Variants in MAP3K2 observed in about 807,000 individuals in gnomAD.
MAP3K2 encodes MAP/ERK kinase kinase 2.
In MAP3K2, 24 loss-of-function variants were observed where a neutral mutation model predicts 80.3. The observed-to-expected ratio is 0.30, with a 90% confidence interval of 0.22 to 0.42. The LOEUF (loss-of-function observed/expected upper bound fraction) is 0.42, where lower values mean the gene tolerates loss of function less well. Among genes scored for constraint, MAP3K2 ranks in the 10% least tolerant of loss-of-function variants. MAP3K2 has a pLI of 1.00. For missense variants in MAP3K2, 608 were observed against 750.1 expected (o/e 0.81, Z 2.21); for synonymous variants, 244 against 253.7 (o/e 0.96, Z 0.36).
At position 127,304,239 on chromosome 2, in the gene MAP3K2, G is replaced by A. The variant is rs1322110093; in HGVS notation, c.*3340C>T. 4.6e-5 allele frequency: 7 copies of A among 152,054 alleles called. No homozygotes were observed. The highest frequency in any genetic ancestry group is 7.4e-5 in the Non-Finnish European group (5 of 67,992). 9.4% of individuals were successfully genotyped at this position (152,054 alleles called of 1,614,324 possible). ...TGTTTTGTAAACAAGGAAAAGTGCT[G>A]AAAATTTTCAAGATATTCATACTGA... On this transcript the variant is annotated 3_prime_UTR_variant, in exon 17 of 17. Coordinates refer to ENST00000682094, the MANE Select transcript of MAP3K2 (RefSeq NM_001371910.2).
intron 1 of MAP3K2, among the ~76,000 whole-genome samples, chr2:127,376,866 G>C (rs1381319903): frequency 2.0e-5 from 3 of 152,040 alleles, no homozygotes; most frequent in Non-Finnish European, 2.9e-5. Context: ...AGGTGTTCAA[G>C]ACCAGCCTGA....
At chr2:127,315,912 TAAA>T (rs1020721359) in intron 14 of MAP3K2, among the ~76,000 whole-genome samples, 2 of 151,800 alleles carry the variant, frequency 1.3e-5, no homozygotes, top group Admixed American at 1.3e-4. Flanking sequence ...CCGTCTCTAC[TAAA>T]AATATAAAAA....
intron 2 of MAP3K2, among the ~76,000 whole-genome samples, chr2:127,342,499 C>T (rs901710497): frequency 6.6e-6 from 1 of 151,758 alleles, no homozygotes; most frequent in African/African-American, 2.4e-5. Flanking sequence ...AATTAAATCC[C>T]AGGATCAGTC....
rs545334729 is a variant in MAP3K2 at position 127,304,384 on chromosome 2, A to G, written c.*3195T>C. 6.6e-5 allele frequency: 10 copies of G among 152,248 alleles called. No individual in the cohort carries two copies. The South Asian group carries it at 2.1e-3, about 32-fold the overall frequency. The allele number at this position is 152,248 out of a possible 1,614,324, so 9.4% of individuals were successfully genotyped here. A position where few individuals can be genotyped will look rare whatever the true frequency, so the allele number is the denominator to read the frequency against. ...CAATACAACATTTTGTTTGCAATGT[A>G]AAAGATCTTATATTTGGTCCAAGCC... On this transcript the variant is annotated 3_prime_UTR_variant, in exon 17 of 17. Coordinates refer to ENST00000682094, the MANE Select transcript of MAP3K2 (RefSeq NM_001371910.2).
intron 1 of MAP3K2, among the ~76,000 whole-genome samples, chr2:127,386,433 C>A (rs1254217490): frequency 6.6e-6 from 1 of 152,138 alleles, no homozygotes; most frequent in East Asian, 1.9e-4. Flanking sequence ...CATAAGACAA[C>A]GAACAAATCA....
intron 1 of MAP3K2, among the ~76,000 whole-genome samples, chr2:127,345,532 C>A (rs973746285): frequency 2.0e-5 from 3 of 152,200 alleles, no homozygotes. Flanking sequence ...CTAGGCTTAA[C>A]AAACACCTAC....
intron 11 of MAP3K2, 50 bp downstream of exon 11, chr2:127,323,849 TTTG>T (rs2104823797): frequency 3.5e-6 from 3 of 852,630 alleles, no homozygotes; most frequent in East Asian, 2.9e-5. Context: ...TGTATTTATT[TTTG>T]TTGTTGAGAT....
chr2:127,344,819 T>G (rs1422309282), intron 1 of MAP3K2, among the ~76,000 whole-genome samples: 1 of 152,190 alleles, frequency 6.6e-6, no homozygotes, highest in Non-Finnish European at 1.5e-5. Context: ...TCCAAAAAAC[T>G]TCTGGTCCCA....
chr2:127,369,824 A>G (rs918578778), intron 1 of MAP3K2, among the ~76,000 whole-genome samples: 1 of 152,316 alleles, frequency 6.6e-6, no homozygotes, highest in Middle Eastern at 3.4e-3. Context: ...GCCAGAGTGT[A>G]GTCTGATATG....
chr2:127,360,536 T>C (rs1399157292), intron 1 of MAP3K2, among the ~76,000 whole-genome samples: 1 of 152,192 alleles, frequency 6.6e-6, no homozygotes, highest in Non-Finnish European at 1.5e-5. Flanking sequence ...GTTATACACA[T>C]ATGTCAAAAT....
chr2:127,317,735 A>T lies in MAP3K2; in HGVS notation c.1220T>A (p.Ile407Asn). 3 of 1,603,018 alleles carry T rather than the reference A, an allele frequency of 1.9e-6. No homozygotes were observed. The highest frequency in any genetic ancestry group is 2.6e-6 in the Non-Finnish European group (3 of 1,174,162). ...SKEVNALECE[I>N]QLLKNLLHER... is the part of the protein sequence containing the mutation. Reference sequence around the variant, plus strand: ...ATGTAGCAAGTTTTTCAGCAACTGAATTTCACACTCAAGTGCATTTACTTC... The same window carrying T: ...ATGTAGCAAGTTTTTCAGCAACTGATTTTCACACTCAAGTGCATTTACTTC... The change falls in exon 14 of 17, where the codon ATT becomes AAT. Residue 407 changes from isoleucine to asparagine, a missense_variant. This residue lies in a region of MAP3K2 where 467 missense variants were observed against 521.9 expected (regional missense o/e 0.89). Coordinates refer to ENST00000682094, the MANE Select transcript of MAP3K2 (RefSeq NM_001371910.2).
intron 1 of MAP3K2, among the ~76,000 whole-genome samples, chr2:127,357,825 T>C (rs1316563662): frequency 6.6e-6 from 1 of 152,030 alleles, no homozygotes; most frequent in Non-Finnish European, 1.5e-5. Context: ...TCAGAATAGA[T>C]CATAAACCTA....
intron 1 of MAP3K2, among the ~76,000 whole-genome samples, chr2:127,349,649 T>C (rs777418827): frequency 1.3e-5 from 2 of 152,088 alleles, no homozygotes; most frequent in Non-Finnish European, 2.9e-5. Context: ...ACTTATAAAG[T>C]TGGACAAAGC....
At chr2:127,318,778 A>G (rs1322037314) in intron 12 of MAP3K2, among the ~76,000 whole-genome samples, 1 of 152,230 alleles carries the variant, frequency 6.6e-6, no homozygotes, top group Non-Finnish European at 1.5e-5. Context: ...CACATATCAA[A>G]AAACTAAGAT....
At chr2:127,333,248 C>A (rs897387648) in intron 5 of MAP3K2, among the ~76,000 whole-genome samples, 1 of 147,560 alleles carries the variant, frequency 6.8e-6, no homozygotes, top group Non-Finnish European at 1.5e-5. Flanking sequence ...CACACATGCA[C>A]CCTGAACACC....
intron 1 of MAP3K2, among the ~76,000 whole-genome samples, chr2:127,355,453 A>G (rs1218152788): frequency 2.0e-5 from 3 of 152,168 alleles, no homozygotes; most frequent in Non-Finnish European, 4.4e-5. Context: ...CCCAATGCAT[A>G]TAAAAGTTAT....
upstream of MAP3K2, chr2:127,388,137 C>T (rs961370126): frequency 1.5e-5 from 15 of 985,146 alleles, no homozygotes; most frequent in African/African-American, 2.1e-4. Flanking sequence ...CCGCCCCCAC[C>T]GGCCGGACGG....
At chr2:127,368,601 A>C (rs1384980205) in intron 1 of MAP3K2, among the ~76,000 whole-genome samples, 1 of 152,172 alleles carries the variant, frequency 6.6e-6, no homozygotes, top group Non-Finnish European at 1.5e-5. Flanking sequence ...CAGCCTGGAG[A>C]CAGAGTGAGA....
chr2:127,378,516 C>T (rs756862294), intron 1 of MAP3K2, among the ~76,000 whole-genome samples: 3 of 152,100 alleles, frequency 2.0e-5, no homozygotes, highest in Non-Finnish European at 4.4e-5. Context: ...CAGTTTGTAA[C>T]ATAATTTTTT....
Sources: gnomAD v4.1 joint callset for allele counts (sites outside exome capture counted in the v4.1 genomes callset) on GRCh38, gnomAD v4.1.1 for gene constraint, gnomAD v4.1.1 regional missense constraint, MANE v1.5 for transcripts, NCBI Gene and HGNC (gene_info 2026-07-23, HGNC 2026-07-21) for gene names.